The following PDE4D variants were observed in gnomAD, a reference collection of about 807,000 sequenced individuals.
PDE4D encodes phosphodiesterase 4D, also known as 3',5'-cyclic-AMP phosphodiesterase 4D.
Under a neutral mutation model 87.4 loss-of-function variants are expected in PDE4D, and 24 were observed. That is an observed-to-expected ratio of 0.27 (90% CI 0.20 to 0.39). PDE4D has a LOEUF of 0.39. Among genes scored for constraint, PDE4D ranks in the 10% least tolerant of loss-of-function variants. PDE4D has a pLI of 1.00. For missense variants in PDE4D, 714 were observed against 1,041.0 expected, an observed-to-expected ratio of 0.69 and a Z score of 4.32; for synonymous variants, 384 against 383.2, an observed-to-expected ratio of 1.00 and a Z score of -0.02.
chr5:59,911,642 G>A (rs1753450185), intron 3 of PDE4D, among the ~76,000 whole-genome samples: 1 of 152,164 alleles, frequency 6.6e-6, no homozygotes, highest in South Asian at 2.1e-4. Context: ...TGAACCCACT[G>A]GGCAGTTACA....
chr5:59,361,244 A>G (rs1050443553), intron 1 of PDE4D, among the ~76,000 whole-genome samples: 3 of 152,166 alleles, frequency 2.0e-5, no homozygotes, highest in Non-Finnish European at 2.9e-5. Flanking sequence ...TTGAATATCT[A>G]CTAAATGACT....
intron 5 of PDE4D, among the ~76,000 whole-genome samples, chr5:59,074,991 C>T (rs745336473): frequency 1.1e-4 from 16 of 151,214 alleles, no homozygotes; most frequent in Non-Finnish European, 2.2e-4. Flanking sequence ...GATCAGAAGA[C>T]CTGAGAGACA....
At chr5:59,870,311 A>G (rs1747636752) in intron 1 of PDE4D, among the ~76,000 whole-genome samples, 1 of 152,182 alleles carries the variant, frequency 6.6e-6, no homozygotes. Context: ...GCTCATACCA[A>G]ATCAACTTAA....
intron 1 of PDE4D, among the ~76,000 whole-genome samples, chr5:59,551,935 G>T (rs1818192403): frequency 6.6e-6 from 1 of 152,152 alleles, no homozygotes; most frequent in South Asian, 2.1e-4. Context: ...AAAAGAATTG[G>T]CCGGGCACAG....
At position 59,471,338 on chromosome 5, in the gene PDE4D, C is replaced by A. The variant is rs575372177; in HGVS notation, c.456-255370G>T. ...TTTTAAAAGATTTTTCCAAGTCTGT[C>A]TTGACATAGCATTCATTTTGTATTT... On this transcript the variant is annotated intron_variant, in intron 1 of 14. Coordinates refer to ENST00000340635, the MANE Select transcript of PDE4D (RefSeq NM_001104631.2). 6.6e-5 allele frequency among the ~76,000 whole-genome samples: 10 copies of A among 152,312 alleles called. No individual in the cohort carries two copies. The East Asian group carries it at 1.9e-3, about 29-fold the overall frequency.
chr5:60,510,910 T>C (rs1460259845), intron 1 of PDE4D, among the ~76,000 whole-genome samples: 1 of 152,190 alleles, frequency 6.6e-6, no homozygotes, highest in Non-Finnish European at 1.5e-5. Context: ...ACAATTATCC[T>C]TGGTAACAGC....
chr5:59,231,758 T>G (rs1260141968), intron 1 of PDE4D, among the ~76,000 whole-genome samples: 1 of 152,276 alleles, frequency 6.6e-6, no homozygotes, highest in African/African-American at 2.4e-5. Flanking sequence ...TCTATGTCTT[T>G]ACTTCTACCA....
At chr5:60,476,336 T>G (rs1748320533) in intron 1 of PDE4D, among the ~76,000 whole-genome samples, 1 of 152,128 alleles carries the variant, frequency 6.6e-6, no homozygotes, top group Non-Finnish European at 1.5e-5. Flanking sequence ...AGTATCTAAA[T>G]TTGGCTTCTT....
intron 1 of PDE4D, among the ~76,000 whole-genome samples, chr5:59,589,625 A>G (rs1825644743): frequency 6.6e-6 from 1 of 152,178 alleles, no homozygotes; most frequent in African/African-American, 2.4e-5. Flanking sequence ...TTCTTAGTCC[A>G]TTTTATTCTA....
chr5:59,738,662 T>C (rs1245806578), intron 1 of PDE4D, among the ~76,000 whole-genome samples: 1 of 151,930 alleles, frequency 6.6e-6, no homozygotes, highest in Non-Finnish European at 1.5e-5. Flanking sequence ...ATGGCTACAC[T>C]ATCATCTATT....
intron 1 of PDE4D, among the ~76,000 whole-genome samples, chr5:59,349,881 C>T (rs1780231581): frequency 1.3e-5 from 2 of 152,144 alleles, no homozygotes; most frequent in South Asian, 4.2e-4. Flanking sequence ...AATCTTTCTG[C>T]CTGTGGTTGT....
intron 5 of PDE4D, among the ~76,000 whole-genome samples, chr5:59,131,929 G>C (rs370798574): frequency 6.6e-6 from 1 of 152,014 alleles, no homozygotes; most frequent in Non-Finnish European, 1.5e-5. Context: ...GGTTTTTAAG[G>C]ATACATGTCT....
chr5:59,585,449 C>G (rs546846551), intron 1 of PDE4D, among the ~76,000 whole-genome samples: 2 of 152,308 alleles, frequency 1.3e-5, no homozygotes, highest in Admixed American at 1.3e-4. Flanking sequence ...ATCAGACAAA[C>G]TGCATTTCCA....
intron 1 of PDE4D, among the ~76,000 whole-genome samples, chr5:59,249,986 G>A (rs948637996): frequency 1.3e-5 from 2 of 151,656 alleles, no homozygotes; most frequent in African/African-American, 4.8e-5. Flanking sequence ...GGTACTACAG[G>A]GACACACCAT....
intron 2 of PDE4D, among the ~76,000 whole-genome samples, chr5:60,063,118 GAAAGAAAGA>G (rs1771635408): frequency 7.7e-6 from 1 of 130,144 alleles, no homozygotes; most frequent in Non-Finnish European, 1.7e-5. Flanking sequence ...AAGAAAGAAA[GAAAGAAAGA>G]AAGAAAGAAA....
chr5:59,054,103 CT>C (rs1410471415), intron 5 of PDE4D, among the ~76,000 whole-genome samples: 3 of 151,972 alleles, frequency 2.0e-5, no homozygotes, highest in Non-Finnish European at 4.4e-5. Context: ...CAAATTTGTT[CT>C]TGGTGACCCA....
rs1381484803 is a variant in PDE4D at position 60,291,979 on chromosome 5, T to C, written c.-89-106292A>G. Among the ~76,000 whole-genome samples, 13 of 152,254 alleles carry C rather than the reference T, an allele frequency of 8.5e-5. No homozygotes were observed. The South Asian group carries it at 2.7e-3, about 32-fold the overall frequency. On this transcript the variant is annotated intron_variant, in intron 1 of 16. Transcript: ENST00000502484. ...ATATAATACACATAATAGAGACACA[T>C]TATACAGACTTTTTCGTTACATAGG...
intron 1 of PDE4D, among the ~76,000 whole-genome samples, chr5:59,716,024 C>T (rs995118256): frequency 6.6e-6 from 1 of 152,142 alleles, no homozygotes; most frequent in Non-Finnish European, 1.5e-5. Context: ...CGTATAAGGC[C>T]TGTGTCTTAG....
intron 1 of PDE4D, among the ~76,000 whole-genome samples, chr5:60,311,688 G>C (rs1755054894): frequency 6.6e-6 from 1 of 152,152 alleles, no homozygotes; most frequent in Admixed American, 6.5e-5. Flanking sequence ...CTAACAACAT[G>C]ATGACAGAAT....
Sources: allele counts gnomAD v4.1 joint callset (sites outside exome capture counted in the v4.1 genomes callset), GRCh38; gene constraint gnomAD v4.1.1; transcripts MANE v1.5; gene names NCBI Gene and HGNC (gene_info 2026-07-23, HGNC 2026-07-21).